The following AMOT variants were observed in gnomAD, a reference collection of about 807,000 sequenced individuals.
The protein encoded by AMOT is angiomotin.
In AMOT, 11 loss-of-function variants were observed where a neutral mutation model predicts 67.0. That is an observed-to-expected ratio of 0.16 (90% CI 0.10 to 0.27). AMOT has a LOEUF of 0.27. AMOT is among the 10% of genes least tolerant of loss of function. AMOT has a pLI of 1.00. For synonymous variants in AMOT, 326 were observed against 321.4 expected, an observed-to-expected ratio of 1.01 and a Z score of -0.15; for missense variants, 753 against 852.0, an observed-to-expected ratio of 0.88 and a Z score of 1.45.
In AMOT at chrX:112,823,137, G is replaced by A; in HGVS notation, c.-11C>T. Reference sequence around the variant, plus strand: ...TTCAGAATTTCTCATCTCTATTGCTGGTGGTGCCTTGTGAAGAGAGAGAGA... The same window carrying A: ...TTCAGAATTTCTCATCTCTATTGCTAGTGGTGCCTTGTGAAGAGAGAGAGA... On this transcript the variant is annotated 5_prime_UTR_variant, in exon 4 of 14. Coordinates refer to ENST00000371959, the MANE Select transcript of AMOT (RefSeq NM_001113490.2). 3.5e-6 allele frequency: 4 copies of A among 1,145,150 alleles called. No homozygotes were observed. Among genetic ancestry groups the A allele is most frequent in the Non-Finnish European group, 4.7e-6 (4 of 859,919 alleles). 94.4% of individuals were successfully genotyped at this position (1,145,150 alleles called of 1,213,427 possible). A position where few individuals can be genotyped will look rare whatever the true frequency, so the allele number is the denominator to read the frequency against.
At chrX:112,833,327 T>A (rs1935044216) in intron 1 of AMOT, among the ~76,000 whole-genome samples, 1 of 110,985 alleles carries the variant, frequency 9.0e-6, no homozygotes, top group Non-Finnish European at 1.9e-5. Context: ...CTTGCACTCC[T>A]GTTCTCACCA....
chrX:112,817,066 C>T (rs1471442356), intron 4 of AMOT, among the ~76,000 whole-genome samples: 2 of 111,873 alleles, frequency 1.8e-5, no homozygotes, highest in Non-Finnish European at 3.8e-5. Context: ...CTCATATGCT[C>T]CCATGTCCTG....
chrX:112,792,113 T>C (rs945841268), intron 8 of AMOT, 132 bp from the exon 9 acceptor site: 10 of 742,373 alleles, frequency 1.3e-5, no homozygotes, highest in African/African-American at 2.1e-5. Context: ...CAAAAAGGAA[T>C]GGATGGCGAG....
At chrX:112,815,971 C>A in intron 4 of AMOT, 94 bp from the exon 5 acceptor site, 1 of 1,068,416 alleles carries the variant, frequency 9.4e-7, no homozygotes, top group Non-Finnish European at 1.2e-6. Flanking sequence ...GCTTCTGATG[C>A]CCCCAGGACA....
At chrX:112,819,798 T>G (rs770578905) in intron 4 of AMOT, among the ~76,000 whole-genome samples, 1 of 112,571 alleles carries the variant, frequency 8.9e-6, no homozygotes, top group Non-Finnish European at 1.9e-5. Flanking sequence ...TCACTGCACC[T>G]CGAAAAGCAA....
chrX:112,809,730 A>G (rs1289757602), intron 7 of AMOT, among the ~76,000 whole-genome samples, 164 bp downstream of exon 7: 1 of 111,253 alleles, frequency 9.0e-6, no homozygotes, highest in Non-Finnish European at 1.9e-5. Flanking sequence ...TAGGAGGAAA[A>G]GAACAGAATC....
Position 112,822,343 on chromosome X carries a change from A to C in AMOT, c.784T>G (p.Phe262Val). Residue 262 changes from phenylalanine to valine, a missense_variant, in exon 4 of 14, where the codon TTC (phenylalanine) becomes GTC (valine). Physicochemically the swap from Phe to Val is conservative, Grantham distance 50. Coordinates refer to ENST00000371959, the MANE Select transcript of AMOT (RefSeq NM_001113490.2). ...VVCKPQEPGH[F>V]YSEHRLNQPG... Reference sequence around the variant, plus strand: ...TGGTTCAGGCGATGCTCACTATAGAAGTGCCCTGGCTCTTGGGGCTTGCAC... The same window carrying C: ...TGGTTCAGGCGATGCTCACTATAGACGTGCCCTGGCTCTTGGGGCTTGCAC... 1 of 1,155,470 alleles carries C rather than the reference A, an allele frequency of 8.7e-7. No homozygotes were observed. Among genetic ancestry groups the C allele is most frequent in the Non-Finnish European group, 1.2e-6 (1 of 866,530 alleles).
intron 2 of AMOT, among the ~76,000 whole-genome samples, chrX:112,831,273 A>G (rs1160994659): frequency 1.8e-5 from 2 of 109,841 alleles, no homozygotes; most frequent in East Asian, 5.7e-4. Flanking sequence ...TCTGCTGTCC[A>G]TCTTCTCTTT....
chrX:112,816,546 G>A (rs1456285392), intron 4 of AMOT, among the ~76,000 whole-genome samples: 3 of 112,190 alleles, frequency 2.7e-5, no homozygotes, highest in African/African-American at 9.7e-5. Flanking sequence ...AGGGTTACAA[G>A]CAATGCTAAC....
chrX:112,830,822 T>C (rs1184569554), intron 2 of AMOT, among the ~76,000 whole-genome samples: 1 of 112,211 alleles, frequency 8.9e-6, no homozygotes, highest in Non-Finnish European at 1.9e-5. Flanking sequence ...TAATAGCTTA[T>C]ATCATCTTTC....
At chrX:112,824,205 C>G in intron 3 of AMOT, among the ~76,000 whole-genome samples, 1 of 112,172 alleles carries the variant, frequency 8.9e-6, no homozygotes, top group East Asian at 2.8e-4. Flanking sequence ...TCTCTCAGCA[C>G]TGTATAGTAC....
intron 2 of AMOT, among the ~76,000 whole-genome samples, chrX:112,828,538 T>C (rs1209820832): frequency 9.2e-6 from 1 of 108,538 alleles, no homozygotes; most frequent in Non-Finnish European, 1.9e-5. Flanking sequence ...ACAGCAATTT[T>C]ATGAAGAAAG....
chrX:112,788,276 G>C (rs544739147), intron 10 of AMOT, among the ~76,000 whole-genome samples: 1 of 102,166 alleles, frequency 9.8e-6, no homozygotes, highest in Non-Finnish European at 2.0e-5. Context: ...GCAACAGAGC[G>C]AGACTCCTTC....
intron 4 of AMOT, chrX:112,819,568 T>C: frequency 5.9e-6 from 1 of 170,669 alleles, no homozygotes; most frequent in Non-Finnish European, 9.5e-6. Context: ...TAAAAGCAGT[T>C]GATAAATGTA....
intron 1 of AMOT, among the ~76,000 whole-genome samples, chrX:112,840,011 G>A (rs1050313462): frequency 9.0e-6 from 1 of 111,191 alleles, no homozygotes; most frequent in Non-Finnish European, 1.9e-5. Context: ...TACCCCTCCT[G>A]CTCCCGCCTC....
chrX:112,839,223 A>G (rs980655091), intron 1 of AMOT, among the ~76,000 whole-genome samples: 11 of 112,522 alleles, frequency 9.8e-5, no homozygotes, highest in Non-Finnish European at 1.7e-4. Context: ...CACTTGTCCA[A>G]TTGAAGATAG....
chrX:112,833,026 C>G (rs1480396281), intron 1 of AMOT, among the ~76,000 whole-genome samples: 1 of 112,013 alleles, frequency 8.9e-6, no homozygotes, highest in Admixed American at 9.4e-5. Flanking sequence ...CCCTGCCTTC[C>G]CAAGAAGGAC....
intron 2 of AMOT, among the ~76,000 whole-genome samples, 198 bp downstream of exon 2, chrX:112,832,096 T>A (rs1427857141): frequency 9.0e-6 from 1 of 111,130 alleles, no homozygotes; most frequent in Non-Finnish European, 1.9e-5. Context: ...GACTGTAAGA[T>A]CTTAGAGGGC....
intron 1 of AMOT, among the ~76,000 whole-genome samples, chrX:112,834,333 G>A (rs1431383038): frequency 3.6e-5 from 4 of 111,659 alleles, no homozygotes. Context: ...TTATAAAGAG[G>A]AGAGCAGATC....
Sources: gnomAD v4.1 joint callset for allele counts (sites outside exome capture counted in the v4.1 genomes callset) on GRCh38, gnomAD v4.1.1 for gene constraint, MANE v1.5 for transcripts, NCBI Gene and HGNC (gene_info 2026-07-23, HGNC 2026-07-21) for gene names.